Variants in KIF1C observed in about 807,000 individuals in gnomAD.
The protein encoded by KIF1C is kinesin family member 1C.
In KIF1C, 61 loss-of-function variants were observed where a neutral mutation model predicts 126.5. The observed-to-expected ratio is 0.48, with a 90% CI of 0.39 to 0.60. The LOEUF is 0.60. Ranked by LOEUF, KIF1C falls within the 20% of genes least tolerant of loss-of-function variation. KIF1C has a pLI of 0.00. For synonymous variants in KIF1C, 640 were observed against 580.6 expected (o/e 1.10, Z -1.47); for missense variants, 1,315 against 1,489.2 (o/e 0.88, Z 1.93).
intron 13 of KIF1C, 131 bp from the exon 14 acceptor site, chr17:5,006,784 G>C: frequency 1.1e-6 from 1 of 913,386 alleles, no homozygotes; most frequent in Non-Finnish European, 1.7e-6. Flanking sequence ...TCCTTGCCTG[G>C]TAGGAGGCTG....
In KIF1C at chr17:5,025,366, C is replaced by G. The variant is rs1446792874; in HGVS notation, c.*1215C>G. On this transcript the variant is annotated 3_prime_UTR_variant, in exon 23 of 23. Transcript: ENST00000320785. ...ACAGAGGAGTTCTGCTTTAAGTCAC[C>G]TAACTTACTTGAAAGGTCTCCCAAG... 3 of 152,184 alleles carry G rather than the reference C, an allele frequency of 2.0e-5. No individual in the cohort carries two copies. The highest frequency in any genetic ancestry group is 7.2e-5 in the African/African-American group (3 of 41,430). The allele number at this position is 152,184 out of a possible 1,614,324, so 9.4% of individuals were successfully genotyped here.
In KIF1C at chr17:5,013,627, CT is replaced by C. The variant is rs149106725; in HGVS notation, c.1492-25del. On this transcript the variant is annotated intron_variant, in intron 16 of 22. Coordinates refer to ENST00000320785, the MANE Select transcript of KIF1C (RefSeq NM_006612.6). ...CTATAGCACCCCTGGCTGGCTCCCCCTGACCACCTTTCTCTCCCCGCTTAGA... is the reference window on the plus strand; with the variant it reads ...CTATAGCACCCCTGGCTGGCTCCCCCGACCACCTTTCTCTCCCCGCTTAGA... 143 of 1,594,794 alleles carry C rather than the reference CT, an allele frequency of 9.0e-5. No homozygotes were observed. The African/African-American group carries it at 1.6e-3, about 18-fold the overall frequency.
chr17:5,022,399 C>T lies in KIF1C; in HGVS notation c.2318C>T (p.Ala773Val). The stretch of plus-strand genomic sequence containing the variant: ...CGCCACGGGCGGGCTGAGATTGAGG[C>T]CCTGGCCGCCCTCAAGATGCGGGAG... ...DFRHGRAEIE[A>V]LAALKMRELC... The change falls in exon 22 of 23, where the codon GCC (alanine) becomes GTC (valine). Residue 773 changes from alanine (A) to valine (V), a missense_variant. Around this residue, in one of 2 missense-constraint regions of KIF1C, gnomAD observed 874 missense variants for 1,053.2 expected, o/e 0.83. Transcript: ENST00000320785. This position sits in a 1 kb window ranked among gnomAD's most constrained non-coding sequence, Gnocchi z 4.9. The T allele has an allele frequency of 1.3e-6, 2 of 1,578,376 alleles. No homozygotes were observed. The highest frequency in any genetic ancestry group is 1.7e-6 in the Non-Finnish European group (2 of 1,161,024).
chr17:5,022,106 C>T lies in KIF1C; in HGVS notation c.2025C>T (p.Asp675=). ...TCTGGCCCCAGTATGCAGACTCGGA[C>T]AGCGGGGATGACTCTGACAAGCGCT... ...LEQQRLYADS[D]SGDDSDKRSC... Residue 675 remains aspartate, a synonymous_variant, in exon 22 of 23, where the codon GAC becomes GAT. Transcript: ENST00000320785. This position sits in a 1 kb window ranked among gnomAD's most constrained non-coding sequence, Gnocchi z 4.9. 6.2e-7 allele frequency: 1 copy of T among 1,605,190 alleles called. No individual in the cohort carries two copies. Among genetic ancestry groups the T allele is most frequent in the East Asian group, 2.2e-5 (1 of 44,644 alleles).
rs761344460 is a variant in KIF1C, at chr17:5,022,258, A to G, written c.2177A>G (p.Tyr726Cys). 1.2e-6 allele frequency: 2 copies of G among 1,614,136 alleles called. No individual in the cohort carries two copies. The highest frequency in any genetic ancestry group is 2.2e-5 in the East Asian group (1 of 44,870). Residue 726 changes from tyrosine to cysteine, a missense_variant, in exon 22 of 23, where the codon TAT (tyrosine) becomes TGT (cysteine). Transcript: ENST00000320785. The surrounding 1 kb of genome is among the most constrained non-coding windows in gnomAD (Gnocchi z 4.9). ...SGKRRAPRRVYQIPQRRRLQG... is the reference protein window; with the variant it reads ...SGKRRAPRRVCQIPQRRRLQG... ...AAGCGCAGGGCCCCTCGCAGGGTTT[A>G]TCAGATCCCCCAGCGACGCAGGCTG...
chr17:5,011,154 C>T (rs181517631), intron 16 of KIF1C, among the ~76,000 whole-genome samples: 12 of 152,244 alleles, frequency 7.9e-5, no homozygotes, highest in Non-Finnish European at 1.5e-4. Flanking sequence ...AGGATGAACT[C>T]TTCTCATGTT....
At position 5,020,436 on chromosome 17, in the gene KIF1C, G is replaced by A. The variant is rs533189778; in HGVS notation, c.1751-56G>A. On this transcript the variant is annotated intron_variant, in intron 19 of 22. Transcript: ENST00000320785. This position sits in a 1 kb window ranked among gnomAD's most constrained non-coding sequence, Gnocchi z 5.8. Reference sequence around the variant, plus strand: ...CAGATTCTCTATGCCTTGGGTGTAGGGATGGATTTGGTGCTGATGGGAAGC... The same window carrying A: ...CAGATTCTCTATGCCTTGGGTGTAGAGATGGATTTGGTGCTGATGGGAAGC... 12 of 1,514,090 alleles carry A rather than the reference G, an allele frequency of 7.9e-6. No homozygotes were observed. The South Asian group carries it at 1.4e-4, about 17-fold the overall frequency. The allele number at this position is 1,514,090 out of a possible 1,614,324, so 93.8% of individuals were successfully genotyped here.
intron 18 of KIF1C, among the ~76,000 whole-genome samples, chr17:5,018,454 G>A (rs1452672075): frequency 6.6e-6 from 1 of 151,876 alleles, no homozygotes; most frequent in Non-Finnish European, 1.5e-5. Flanking sequence ...ATCACCTGAG[G>A]TCAGGCGGGT....
In KIF1C at chr17:5,024,020, TATCCCC is replaced by T; in HGVS notation, c.3183_3188del (p.Tyr1061_Gln1063delinsTer). On this transcript the variant is annotated stop_gained and inframe_deletion, in exon 23 of 23. Transcript: ENST00000320785. LOFTEE classifies it high-confidence loss of function. ...CTTCCAGCCCAAAAAGCACAACTCT[TATCCCC>T]AGCCACCCCAACCCTACCCAGCCCA... is the stretch of plus-strand genomic sequence containing the variant. 6.3e-7 allele frequency: 1 copy of T among 1,593,730 alleles called. No homozygotes were observed. Among genetic ancestry groups the T allele is most frequent in the Non-Finnish European group, 8.5e-7 (1 of 1,169,650 alleles).
chr17:5,011,055 C>G (rs1974855252), intron 16 of KIF1C, among the ~76,000 whole-genome samples: 1 of 152,158 alleles, frequency 6.6e-6, no homozygotes, highest in Non-Finnish European at 1.5e-5. Context: ...TTCCCACATT[C>G]TGGCTTAGTA....
chr17:5,007,123 A>G, intron 14 of KIF1C, 39 bp downstream of exon 14: 1 of 1,580,828 alleles, frequency 6.3e-7, no homozygotes, highest in Non-Finnish European at 8.6e-7. Context: ...GGGTCTGGGC[A>G]TTCCTGGGAG....
At chr17:4,999,113 C>G (rs1263837007) in intron 1 of KIF1C, 2 of 152,428 alleles carry the variant, frequency 1.3e-5, no homozygotes, top group East Asian at 3.8e-4. Context: ...TGACCCCACC[C>G]TCCCCTGCTC....
intron 2 of KIF1C, 40 bp from the exon 3 acceptor site, chr17:5,000,180 C>T: frequency 1.8e-6 from 2 of 1,138,644 alleles, no homozygotes; most frequent in Non-Finnish European, 2.6e-6. Context: ...TGGGTCCCTG[C>T]AGTGGTTCTG....
rs1476947755 is a variant in KIF1C, at chr17:5,003,695, G to T, written c.798+6G>T. On this transcript the variant is annotated splice_donor_region_variant and intron_variant, in intron 9 of 22. Transcript: ENST00000320785. Reference sequence around the variant, plus strand: ...CCCGGGGCATGCGCCTGAAGGTGAGGGGCCTTCAGAGGGTGGTTTGTTGTG... The same window carrying T: ...CCCGGGGCATGCGCCTGAAGGTGAGTGGCCTTCAGAGGGTGGTTTGTTGTG... 4 of 1,612,104 alleles carry T rather than the reference G, an allele frequency of 2.5e-6. No homozygotes were observed. Among genetic ancestry groups the T allele is most frequent in the Non-Finnish European group, 3.4e-6 (4 of 1,178,420 alleles).
chr17:5,020,886 G>C lies in KIF1C; in HGVS notation c.2010+8G>C, dbSNP rs746159047. On this transcript the variant is annotated splice_region_variant and intron_variant, in intron 21 of 22. Transcript: ENST00000320785. The surrounding 1 kb of genome is among the most constrained non-coding windows in gnomAD (Gnocchi z 5.8). Reference sequence around the variant, plus strand: ...CTGGAGCAGCAGCGACTGGTGAGGGGCAGCAGGGGCTGGGGATGGGCTGAT... The same window carrying C: ...CTGGAGCAGCAGCGACTGGTGAGGGCCAGCAGGGGCTGGGGATGGGCTGAT... 2.5e-6 allele frequency: 4 copies of C among 1,570,380 alleles called. No homozygotes were observed. In the South Asian group the frequency reaches 4.7e-5, roughly 18 times the overall value.
rs529697415 is a variant in KIF1C, at chr17:5,021,445, G to A, written c.2010+567G>A. Among the ~76,000 whole-genome samples, 9 of 152,130 alleles carry A rather than the reference G, an allele frequency of 5.9e-5. No homozygotes were observed. In the East Asian group the frequency reaches 1.7e-3, roughly 29 times the overall value. ...CCTGCCTCAGCCTCCCAAAATGCTG[G>A]GATTACAGGCATGAGCCACCGCACC... On this transcript the variant is annotated intron_variant, in intron 21 of 22. Transcript: ENST00000320785.
chr17:5,006,885 C>G, intron 13 of KIF1C, 30 bp from the exon 14 acceptor site: 1 of 1,610,454 alleles, frequency 6.2e-7, no homozygotes, highest in Non-Finnish European at 8.5e-7. Context: ...TTTCCTTAGC[C>G]TCATTCTTTT....
At chr17:5,008,739 C>G (rs1318877257) in intron 16 of KIF1C, among the ~76,000 whole-genome samples, 1 of 152,200 alleles carries the variant, frequency 6.6e-6, no homozygotes, top group East Asian at 1.9e-4. Flanking sequence ...TTGTCTGGGG[C>G]TGGGTACCCT....
chr17:5,017,065 C>T (rs3786046), intron 18 of KIF1C, among the ~76,000 whole-genome samples: 11,733 of 152,110 alleles, frequency 0.077, 607 homozygotes, highest in Middle Eastern at 0.11. Flanking sequence ...TGAGTTATTG[C>T]CAAGTTCCTG....
Sources: gnomAD v4.1 joint callset for allele counts (sites outside exome capture counted in the v4.1 genomes callset) on GRCh38, gnomAD v4.1.1 for gene constraint, gnomAD v4.1.1 regional missense constraint, Gnocchi (gnomAD v3.1) non-coding constraint, MANE v1.5 for transcripts, NCBI Gene and HGNC (gene_info 2026-07-23, HGNC 2026-07-21) for gene names.